Variants in GALNT17 observed in about 807,000 individuals in gnomAD.
The protein encoded by GALNT17 is UDP-GalNAc:polypeptide N-acetylgalactosaminyltransferase-like 3.
Under a neutral mutation model 63.7 loss-of-function variants are expected in GALNT17, and 29 were observed. That is an observed-to-expected ratio of 0.46 (90% CI 0.34 to 0.62). The LOEUF is 0.62. Among genes scored for constraint, GALNT17 ranks in the 20% least tolerant of loss-of-function variants. GALNT17 has a pLI of 0.01. For missense variants in GALNT17, 603 were observed against 799.6 expected, an observed-to-expected ratio of 0.75 and a Z score of 2.97; for synonymous variants, 305 against 318.3, an observed-to-expected ratio of 0.96 and a Z score of 0.45.
In GALNT17 at chr7:71,196,609, T is replaced by A. The variant is rs150533926; in HGVS notation, c.238+63569T>A. On this transcript the variant is annotated intron_variant, in intron 1 of 10. Coordinates refer to ENST00000333538, the MANE Select transcript of GALNT17 (RefSeq NM_022479.3). ...GTTATGCTACTTGATAGTGTGTGGC[T>A]TTGAGACTGTTGCTTAATTAAAAAA... Among the ~76,000 whole-genome samples the A allele has an allele frequency of 4.7e-3, 710 of 152,000 alleles. 4 individuals carry two copies. The highest frequency in any genetic ancestry group is 7.6e-3 in the Non-Finnish European group (514 of 68,004).
intron 5 of GALNT17, among the ~76,000 whole-genome samples, chr7:71,500,600 C>T (rs1788164894): frequency 6.6e-6 from 1 of 152,206 alleles, no homozygotes. Context: ...CAGACACTCA[C>T]CCCCTGCCAC....
At chr7:71,374,637 G>A (rs553164238) in intron 2 of GALNT17, among the ~76,000 whole-genome samples, 3 of 152,294 alleles carry the variant, frequency 2.0e-5, no homozygotes, top group East Asian at 1.9e-4. Flanking sequence ...ATGTGGAGAC[G>A]TGGAAGGTGA....
At chr7:71,692,521 GA>G (rs1163197396) in intron 9 of GALNT17, among the ~76,000 whole-genome samples, 2 of 152,046 alleles carry the variant, frequency 1.3e-5, no homozygotes, top group East Asian at 1.9e-4. Context: ...GAGCGATGCA[GA>G]ACTTCACAGT....
At chr7:71,224,686 T>G (rs1363080782) in intron 1 of GALNT17, among the ~76,000 whole-genome samples, 1 of 152,172 alleles carries the variant, frequency 6.6e-6, no homozygotes, top group Admixed American at 6.5e-5. Context: ...GGAACTGTTC[T>G]TTCTTTGGAT....
chr7:71,406,451 A>G (rs1793330014), intron 3 of GALNT17, among the ~76,000 whole-genome samples: 1 of 152,054 alleles, frequency 6.6e-6, no homozygotes, highest in Non-Finnish European at 1.5e-5. Flanking sequence ...GAATGCCTCA[A>G]ATTGTGTAAA....
At chr7:71,323,295 C>T (rs1249633530) in intron 1 of GALNT17, among the ~76,000 whole-genome samples, 1 of 152,136 alleles carries the variant, frequency 6.6e-6, no homozygotes. Flanking sequence ...CTCTTTGTCC[C>T]TGGGAGAATA....
At chr7:71,708,830 CATTA>C (rs1318135230) in intron 9 of GALNT17, among the ~76,000 whole-genome samples, 1 of 152,144 alleles carries the variant, frequency 6.6e-6, no homozygotes, top group Non-Finnish European at 1.5e-5. Context: ...TCTGATTCTG[CATTA>C]ATTCTCTTAG....
intron 5 of GALNT17, among the ~76,000 whole-genome samples, chr7:71,486,687 C>G (rs1298314627): frequency 6.6e-6 from 1 of 151,088 alleles, no homozygotes; most frequent in Non-Finnish European, 1.5e-5. Flanking sequence ...GAGATCCCAT[C>G]TCTACAATAA....
intron 5 of GALNT17, among the ~76,000 whole-genome samples, chr7:71,432,381 T>A (rs1356121234): frequency 6.6e-6 from 1 of 152,176 alleles, no homozygotes; most frequent in African/African-American, 2.4e-5. Context: ...CACATAGGCA[T>A]GGAGAGCCTT....
At position 71,571,277 on chromosome 7, in the gene GALNT17, T is replaced by G; in HGVS notation, c.963-8T>G. 6.2e-7 allele frequency: 1 copy of G among 1,613,518 alleles called. No homozygotes were observed. ...TCAATGAGCTTCCCTTCTTTCTCCC[T>G]CCCTCAGGACCCCAGCCATGATAGG... On this transcript the variant is annotated splice_region_variant and splice_polypyrimidine_tract_variant and intron_variant, in intron 5 of 10. Coordinates refer to ENST00000333538, the MANE Select transcript of GALNT17 (RefSeq NM_022479.3).
intron 6 of GALNT17, among the ~76,000 whole-genome samples, chr7:71,626,341 G>T (rs146793293): frequency 4.7e-4 from 72 of 152,096 alleles, no homozygotes; most frequent in African/African-American, 1.6e-3. Flanking sequence ...AGATGCCTCA[G>T]ATGTAACCAC....
At chr7:71,476,415 G>A (rs1001620024) in intron 5 of GALNT17, among the ~76,000 whole-genome samples, 2 of 151,940 alleles carry the variant, frequency 1.3e-5, no homozygotes, top group African/African-American at 4.8e-5. Flanking sequence ...CCCGGAGAGC[G>A]TGATGAGGGT....
intron 2 of GALNT17, among the ~76,000 whole-genome samples, chr7:71,359,743 C>T (rs1293527061): frequency 6.6e-6 from 1 of 152,006 alleles, no homozygotes; most frequent in African/African-American, 2.4e-5. Flanking sequence ...GCCACCATAC[C>T]CGGCTAATTT....
Position 71,157,361 on chromosome 7 carries a change from T to C in GALNT17, c.238+24321T>C, listed in dbSNP as rs186863263. Among the ~76,000 whole-genome samples, 954 of 151,430 alleles carry C rather than the reference T, an allele frequency of 6.3e-3. 9 individuals are homozygous for C. Among genetic ancestry groups the C allele is most frequent in the Non-Finnish European group, 8.3e-3 (562 of 67,874 alleles). On this transcript the variant is annotated intron_variant, in intron 1 of 10. Transcript: ENST00000333538. ...GATTTCTTTAAAAACTTTAAAAAAA[T>C]TGAGGTAATGCATTGGCTGGGCGCG...
At chr7:71,558,717 C>G (rs1184370894) in intron 5 of GALNT17, among the ~76,000 whole-genome samples, 1 of 152,116 alleles carries the variant, frequency 6.6e-6, no homozygotes, top group Non-Finnish European at 1.5e-5. Flanking sequence ...ATTTGCAAAT[C>G]AGTTTCTCAA....
At chr7:71,282,123 G>T (rs1169998040) in intron 1 of GALNT17, among the ~76,000 whole-genome samples, 3 of 152,166 alleles carry the variant, frequency 2.0e-5, no homozygotes, top group Non-Finnish European at 4.4e-5. Context: ...GCATCCACAT[G>T]CTTAAGGACG....
chr7:71,478,221 C>G (rs1787756076), intron 5 of GALNT17, among the ~76,000 whole-genome samples: 2 of 152,214 alleles, frequency 1.3e-5, no homozygotes, highest in East Asian at 1.9e-4. Context: ...GAACATTTAT[C>G]CTTCCTGGTG....
chr7:71,675,016 T>G (rs1226960903), intron 8 of GALNT17, among the ~76,000 whole-genome samples: 1 of 152,054 alleles, frequency 6.6e-6, no homozygotes, highest in East Asian at 1.9e-4. Flanking sequence ...AAACCCTGTC[T>G]CTACTAAAAA....
rs908107301 is a variant in GALNT17 at position 71,346,385 on chromosome 7, T to C, written c.422+10652T>C. ...GTCCCTGAATCACTAACCACAATAA[T>C]TTTTCCCTTTTATTGACTACCTTTT... On this transcript the variant is annotated intron_variant, in intron 2 of 10. Coordinates refer to ENST00000333538, the MANE Select transcript of GALNT17 (RefSeq NM_022479.3). 5.9e-5 allele frequency among the ~76,000 whole-genome samples: 9 copies of C among 152,122 alleles called. 1 individual carries two copies. The highest frequency in any genetic ancestry group is 1.3e-4 in the Non-Finnish European group (9 of 68,026).
Sources: allele counts gnomAD v4.1 joint callset (sites outside exome capture counted in the v4.1 genomes callset), GRCh38; gene constraint gnomAD v4.1.1; transcripts MANE v1.5; gene names NCBI Gene and HGNC (gene_info 2026-07-23, HGNC 2026-07-21).